Variants in SERINC5 observed in about 807,000 individuals in gnomAD.
SERINC5 encodes chromosome 5 open reading frame 12.
A neutral mutation model predicts 63.1 loss-of-function variants in SERINC5; 41 were observed. That is an observed-to-expected ratio of 0.65 (90% CI 0.51 to 0.84). SERINC5 has a LOEUF of 0.84. Ranked by LOEUF, SERINC5 falls within the 40% of genes least tolerant of loss-of-function variation. The probability of loss-of-function intolerance (pLI) is 0.00; values close to 1 mark genes in which losing one functional copy is unlikely to be tolerated. For missense variants in SERINC5, 523 were observed against 573.0 expected (o/e 0.91, Z 0.89); for synonymous variants, 222 against 215.2 (o/e 1.03, Z -0.28).
chr5:80,164,914 T>TTTG (rs1747179774), intron 7 of SERINC5, among the ~76,000 whole-genome samples: 1 of 134,766 alleles, frequency 7.4e-6, no homozygotes, highest in Non-Finnish European at 1.6e-5. Flanking sequence ...TTTTCTGTTT[T>TTTG]TTTTTTTTTT....
rs35653111 is a variant in SERINC5, at chr5:80,203,257, C to CATATATATAT, written c.28-214_28-205dup. On this transcript the variant is annotated intron_variant, in intron 1 of 11. Coordinates refer to ENST00000507668, the MANE Select transcript of SERINC5 (RefSeq NM_001174072.3). ...CTGTCTCTAAATAAATATATATACA[C>CATATATATAT]ATATATATATATATGTGTATATATA... The CATATATATAT allele has an allele frequency of 2.6e-3, 681 of 257,610 alleles. 5 individuals carry two copies. The highest frequency in any genetic ancestry group is 0.014 in the African/African-American group (636 of 44,498). 16.0% of individuals were successfully genotyped at this position (257,610 alleles called of 1,614,324 possible).
At chr5:80,179,766 C>CA (rs1464658988) in intron 2 of SERINC5, among the ~76,000 whole-genome samples, 2 of 152,170 alleles carry the variant, frequency 1.3e-5, no homozygotes, top group East Asian at 3.8e-4. Flanking sequence ...TTAAAAGTTT[C>CA]AAATTTTAGA....
chr5:80,190,698 T>C (rs1462176243), intron 2 of SERINC5, among the ~76,000 whole-genome samples: 1 of 152,232 alleles, frequency 6.6e-6, no homozygotes, highest in African/African-American at 2.4e-5. Context: ...CTAGTCATGA[T>C]GTTTGCCTTA....
rs779898669 is a variant in SERINC5, at chr5:80,169,489, G to A, written c.609C>T (p.Leu203=). The A allele has an allele frequency of 4.3e-6, 7 of 1,613,906 alleles. No homozygotes were observed. The highest frequency in any genetic ancestry group is 5.9e-6 in the Non-Finnish European group (7 of 1,179,860). The part of the protein sequence containing the change: ...LWYASLALVT[L]IMYSIATGGL... The stretch of plus-strand genomic sequence containing the variant: ...CTCCAGTGGCAATGGAATACATGAT[G>A]AGCGTCACCAGGGCCAGGGAGGCGT... The change falls in exon 6 of 12, where the codon CTC becomes CTT. Residue 203 remains leucine, a synonymous_variant. Transcript: ENST00000507668.
At chr5:80,184,356 C>T (rs1748672245) in intron 2 of SERINC5, among the ~76,000 whole-genome samples, 1 of 152,134 alleles carries the variant, frequency 6.6e-6, no homozygotes, top group Non-Finnish European at 1.5e-5. Flanking sequence ...ACCTTTAGAC[C>T]TTCTCTGCCT....
At chr5:80,175,717 C>A (rs58536081) in intron 4 of SERINC5, among the ~76,000 whole-genome samples, 3 of 150,966 alleles carry the variant, frequency 2.0e-5, no homozygotes, top group African/African-American at 2.4e-5. Flanking sequence ...TAAAAAAAAA[C>A]TCCAGGCATA....
chr5:80,115,556 A>G (rs1416274433), intron 11 of SERINC5, among the ~76,000 whole-genome samples: 1 of 152,048 alleles, frequency 6.6e-6, no homozygotes, highest in Non-Finnish European at 1.5e-5. Flanking sequence ...AGTTGAGGGT[A>G]GAATTTGTTC....
chr5:80,146,072 A>G lies in SERINC5; in HGVS notation c.1238+18T>C. On this transcript the variant is annotated intron_variant, in intron 11 of 11. Transcript: ENST00000507668. ...TAAGGCTTTGCTTCAAAAATACCTA[A>G]GCAAATGGGCCACTCACTTGAACCA... The G allele has an allele frequency of 6.2e-7, 1 of 1,613,720 alleles. No individual in the cohort carries two copies. Among genetic ancestry groups the G allele is most frequent in the South Asian group, 1.1e-5 (1 of 91,078 alleles).
intron 7 of SERINC5, among the ~76,000 whole-genome samples, chr5:80,159,936 C>A (rs1003764597): frequency 1.5e-4 from 23 of 152,278 alleles, no homozygotes; most frequent in Admixed American, 2.6e-4. Flanking sequence ...TATTCATATT[C>A]TTTAAAATAT....
chr5:80,147,344 A>C (rs949663779), intron 9 of SERINC5, 60 bp from the exon 10 acceptor site: 4 of 1,555,200 alleles, frequency 2.6e-6, no homozygotes, highest in Non-Finnish European at 3.5e-6. Flanking sequence ...CACCTCAGCA[A>C]GACAACAGTA....
At chr5:80,162,477 GATCCTCC>G (rs1178236158) in intron 7 of SERINC5, among the ~76,000 whole-genome samples, 1 of 152,106 alleles carries the variant, frequency 6.6e-6, no homozygotes, top group South Asian at 2.1e-4. Flanking sequence ...GGGCTCAGGT[GATCCTCC>G]AACCTCGGAC....
At chr5:80,151,850 G>A (rs886899352) in intron 8 of SERINC5, among the ~76,000 whole-genome samples, 68 of 152,248 alleles carry the variant, frequency 4.5e-4, no homozygotes, top group African/African-American at 1.6e-3. Context: ...CGGGCGTGTT[G>A]GTGCTCAAGA....
chr5:80,198,761 C>A, intron 2 of SERINC5: 1 of 945,858 alleles, frequency 1.1e-6, no homozygotes, highest in Non-Finnish European at 1.3e-6. Flanking sequence ...GACTTTGTGG[C>A]CAGATGGCCA....
At chr5:80,134,937 A>G (rs1183598043), downstream of SERINC5, among the ~76,000 whole-genome samples, 2 of 152,240 alleles carry the variant, frequency 1.3e-5, no homozygotes, top group African/African-American at 4.8e-5. Flanking sequence ...CAATGTTTTT[A>G]AGAGAACTGA....
In SERINC5 at chr5:80,120,622, T is replaced by C. The variant is rs554636890; in HGVS notation, c.1239-6997A>G. Reference sequence around the variant, plus strand: ...TGAGGCCAGGAGTTTGAGACCAGCCTGGCCAACATGGTGAAACCCCATCTC... The same window carrying C: ...TGAGGCCAGGAGTTTGAGACCAGCCCGGCCAACATGGTGAAACCCCATCTC... On this transcript the variant is annotated intron_variant, in intron 11 of 12. Transcript: ENST00000509193. 6.0e-3 allele frequency among the ~76,000 whole-genome samples: 915 copies of C among 152,212 alleles called. 2 individuals are homozygous for C. The highest frequency in any genetic ancestry group is 7.9e-3 in the Non-Finnish European group (540 of 68,004).
rs114481843 is a variant in SERINC5, at chr5:80,160,512, T to G, written c.860-1550A>C. ...TGAGACTAAAATTATGACTAGTATT[T>G]GCACTTGAAACAGTAAACGTAACTA... On this transcript the variant is annotated intron_variant, in intron 7 of 11. Transcript: ENST00000507668. Among the ~76,000 whole-genome samples the G allele has an allele frequency of 2.2e-3, 334 of 152,330 alleles. 3 individuals are homozygous for G. The highest frequency in any genetic ancestry group is 7.1e-3 in the African/African-American group (295 of 41,588).
intron 1 of SERINC5, among the ~76,000 whole-genome samples, chr5:80,230,459 A>AAAAAAAAAAAAAAAAAAAAAAG (rs70982042): frequency 7.8e-6 from 1 of 128,628 alleles, no homozygotes. Flanking sequence ...AAAAAAAAAA[A>AAAAAAAAAAAAAAAAAAAAAAG]AAAGAAACCA....
At chr5:80,145,970 A>G in intron 11 of SERINC5, 120 bp downstream of exon 11, 2 of 1,039,566 alleles carry the variant, frequency 1.9e-6, no homozygotes, top group Non-Finnish European at 2.9e-6. Context: ...GGATCGTGCC[A>G]CTGCACTCCA....
At chr5:80,154,707 G>A (rs1041003104) in intron 8 of SERINC5, among the ~76,000 whole-genome samples, 1 of 151,670 alleles carries the variant, frequency 6.6e-6, no homozygotes, top group African/African-American at 2.4e-5. Flanking sequence ...ACCAACCTGC[G>A]AACCTCCCCA....
Sources: allele counts gnomAD v4.1 joint callset (sites outside exome capture counted in the v4.1 genomes callset), GRCh38; gene constraint gnomAD v4.1.1; transcripts MANE v1.5; gene names NCBI Gene and HGNC (gene_info 2026-07-23, HGNC 2026-07-21).